The following EYS variants were observed in gnomAD, a reference collection of about 807,000 sequenced individuals.
EYS encodes EGF-like photoreceptor maintenance factor, also known as protein eyes shut homolog.
In EYS, 250 loss-of-function variants were observed where a neutral mutation model predicts 282.1. That is an observed-to-expected ratio of 0.89 (90% CI 0.80 to 0.98). The LOEUF (loss-of-function observed/expected upper bound fraction) is 0.98, where lower values mean the gene tolerates loss of function less well. EYS is among the 50% of genes least tolerant of loss of function. The pLI is 0.00. For synonymous variants in EYS, 1,355 were observed against 1,282.9 expected (o/e 1.06, Z -1.20); for missense variants, 4,016 against 3,709.0 (o/e 1.08, Z -2.15).
At chr6:64,412,007 T>C (rs1582720158) in intron 28 of EYS, among the ~76,000 whole-genome samples, 1 of 90,464 alleles carries the variant, frequency 1.1e-5, no homozygotes, top group Admixed American at 1.1e-4. Flanking sequence ...ATTAGTAAAA[T>C]CTGTTATGAA....
intron 6 of EYS, among the ~76,000 whole-genome samples, chr6:65,404,379 T>C (rs1299109547): frequency 6.6e-6 from 1 of 152,084 alleles, no homozygotes; most frequent in Non-Finnish European, 1.5e-5. Flanking sequence ...TTCCCAGGAT[T>C]AGTGCATGGA....
chr6:63,969,794 C>T (rs889015086), intron 35 of EYS, among the ~76,000 whole-genome samples: 4 of 152,158 alleles, frequency 2.6e-5, no homozygotes, highest in African/African-American at 9.7e-5. Flanking sequence ...AATGAGGAGT[C>T]CCTAATTCAA....
chr6:64,968,044 T>G (rs1235148402), intron 14 of EYS, among the ~76,000 whole-genome samples: 1 of 152,150 alleles, frequency 6.6e-6, no homozygotes, highest in African/African-American at 2.4e-5. Flanking sequence ...CAGAGGCAAG[T>G]GAAATGAACT....
chr6:64,825,176 T>C (rs949214920), intron 19 of EYS, among the ~76,000 whole-genome samples: 2 of 151,894 alleles, frequency 1.3e-5, no homozygotes, highest in African/African-American at 2.4e-5. Context: ...TATTTCACAG[T>C]TTACATCTTC....
chr6:64,641,205 G>A (rs1286232158), intron 22 of EYS, among the ~76,000 whole-genome samples: 1 of 152,156 alleles, frequency 6.6e-6, no homozygotes, highest in African/African-American at 2.4e-5. Context: ...AGGCAAGGAG[G>A]AGCAAGTCCC....
chr6:65,139,443 G>C (rs544639761), intron 12 of EYS, among the ~76,000 whole-genome samples: 18 of 152,110 alleles, frequency 1.2e-4, no homozygotes, highest in African/African-American at 4.1e-4. Flanking sequence ...GAGGGTGAAG[G>C]GAAGGAAGAG....
At chr6:65,294,630 A>T (rs2150285413) in intron 12 of EYS, among the ~76,000 whole-genome samples, 1 of 152,040 alleles carries the variant, frequency 6.6e-6, no homozygotes, top group Admixed American at 6.6e-5. Context: ...GTTTGCAAAT[A>T]CACATATGTA....
intron 28 of EYS, among the ~76,000 whole-genome samples, chr6:64,427,441 A>C (rs1429691740): frequency 6.6e-6 from 1 of 152,106 alleles, no homozygotes; most frequent in Non-Finnish European, 1.5e-5. Flanking sequence ...TTAACTGTGA[A>C]GACCCTTTTG....
chr6:65,356,341 C>T (rs906927369), intron 8 of EYS, among the ~76,000 whole-genome samples: 2 of 151,848 alleles, frequency 1.3e-5, no homozygotes, highest in Non-Finnish European at 2.9e-5. Flanking sequence ...ATCAAGGATA[C>T]GAATCCCTGT....
At chr6:64,439,550 T>C (rs1774866213) in intron 26 of EYS, among the ~76,000 whole-genome samples, 198 bp from the exon 27 acceptor site, 1 of 151,836 alleles carries the variant, frequency 6.6e-6, no homozygotes, top group Non-Finnish European at 1.5e-5. Context: ...GGCTTCATGA[T>C]AAAATCTCAT....
intron 2 of EYS, among the ~76,000 whole-genome samples, chr6:65,570,776 A>G (rs1434086612): frequency 1.3e-5 from 2 of 152,154 alleles, no homozygotes; most frequent in Admixed American, 6.6e-5. Context: ...TTCCTTTTGC[A>G]TTATTGTTTG....
chr6:63,980,822 TG>T (rs1347072044), intron 35 of EYS, among the ~76,000 whole-genome samples: 1 of 151,822 alleles, frequency 6.6e-6, no homozygotes, highest in Non-Finnish European at 1.5e-5. Context: ...TGAGAAGGAC[TG>T]GAAGAGAGTA....
At chr6:64,421,182 G>A (rs2150451452) in intron 28 of EYS, among the ~76,000 whole-genome samples, 1 of 152,258 alleles carries the variant, frequency 6.6e-6, no homozygotes, top group Admixed American at 6.5e-5. Context: ...CATGGTGGGA[G>A]GGGAAGTAAA....
At chr6:63,974,804 C>T (rs1399829567) in intron 35 of EYS, among the ~76,000 whole-genome samples, 3 of 151,820 alleles carry the variant, frequency 2.0e-5, no homozygotes, top group Admixed American at 6.6e-5. Flanking sequence ...ACTTATTTGC[C>T]GAAGATCTAT....
chr6:65,332,413 T>C (rs1270689277), intron 11 of EYS: 2 of 1,370,726 alleles, frequency 1.5e-6, no homozygotes, highest in Admixed American at 4.0e-5. Context: ...GTGTTGAGGA[T>C]TCTTCTGTGA....
intron 34 of EYS, among the ~76,000 whole-genome samples, chr6:63,998,713 GTACTATCA>G (rs1461374996): frequency 6.6e-6 from 1 of 151,442 alleles, no homozygotes; most frequent in African/African-American, 2.4e-5. Context: ...AACAGTGCAA[GTACTATCA>G]TATCCTATAA....
In EYS at chr6:65,470,644, T is replaced by C. The variant is rs1372639194; in HGVS notation, c.862+19950A>G. Among the ~76,000 whole-genome samples the C allele has an allele frequency of 3.9e-4, 59 of 152,136 alleles. 3 individuals carry two copies. The highest frequency in any genetic ancestry group is 3.9e-3 in the Admixed American group (59 of 15,258). Reference sequence around the variant, plus strand: ...TACTGTGTTAGCCAGTCCAAAGACATGAAAATAATCTGAAATTTTTAAGTA... The same window carrying C: ...TACTGTGTTAGCCAGTCCAAAGACACGAAAATAATCTGAAATTTTTAAGTA... On this transcript the variant is annotated intron_variant, in intron 5 of 42. Transcript: ENST00000503581.
chr6:65,371,849 TTTC>T (rs1765165861), intron 8 of EYS, among the ~76,000 whole-genome samples: 1 of 151,118 alleles, frequency 6.6e-6, no homozygotes, highest in South Asian at 2.1e-4. Flanking sequence ...AGAGAGAGAT[TTTC>T]TTTAGATTTT....
chr6:65,014,122 G>C (rs1024122780), intron 13 of EYS, among the ~76,000 whole-genome samples: 1 of 152,134 alleles, frequency 6.6e-6, no homozygotes, highest in Non-Finnish European at 1.5e-5. Context: ...ATAGGGAATG[G>C]CATCTGGTTT....
Sources: allele counts gnomAD v4.1 joint callset (sites outside exome capture counted in the v4.1 genomes callset), GRCh38; gene constraint gnomAD v4.1.1; transcripts MANE v1.5; gene names NCBI Gene and HGNC (gene_info 2026-07-23, HGNC 2026-07-21).